Variants in ABCD3 observed in about 807,000 individuals in gnomAD.
The protein encoded by ABCD3 is ATP-binding cassette sub-family D member 3.
ABCD3 carries 41 observed loss-of-function variants against 105.5 expected under a neutral mutation model. The ratio of observed to expected loss-of-function variants is 0.39; its 90% CI spans 0.30 to 0.50. The LOEUF is 0.50. ABCD3 is among the 20% of genes least tolerant of loss of function. The probability of loss-of-function intolerance (pLI) is 0.84; values close to 1 mark genes in which losing one functional copy is unlikely to be tolerated. For missense variants in ABCD3, 622 were observed against 806.3 expected, an observed-to-expected ratio of 0.77 and a Z score of 2.77; for synonymous variants, 258 against 269.0, an observed-to-expected ratio of 0.96 and a Z score of 0.40.
In ABCD3 at chr1:94,473,754, G is replaced by A; in HGVS notation, c.336-12G>A. The stretch of plus-strand genomic sequence containing the variant: ...CTTTTGCAACTAATGCATTGCATGT[G>A]GTGGTTTGCAGTGGTATCATTGGTC... On this transcript the variant is annotated splice_polypyrimidine_tract_variant and intron_variant, in intron 4 of 22. Coordinates refer to ENST00000370214, the MANE Select transcript of ABCD3 (RefSeq NM_002858.4). 6.2e-7 allele frequency: 1 copy of A among 1,608,838 alleles called. No homozygotes were observed. The highest frequency in any genetic ancestry group is 8.5e-7 in the Non-Finnish European group (1 of 1,175,836).
chr1:94,512,582 T>A (rs948067890), intron 21 of ABCD3, among the ~76,000 whole-genome samples: 44 of 152,074 alleles, frequency 2.9e-4, no homozygotes, highest in African/African-American at 9.4e-4. Flanking sequence ...AGAGTTTTTT[T>A]ATGAATAAAA....
chr1:94,493,875 A>G (rs966060163), intron 16 of ABCD3, among the ~76,000 whole-genome samples: 2 of 152,046 alleles, frequency 1.3e-5, no homozygotes, highest in African/African-American at 4.8e-5. Flanking sequence ...ATTCTCACTC[A>G]TAGGTGGGAA....
At chr1:94,512,823 T>G (rs1037705453) in intron 21 of ABCD3, among the ~76,000 whole-genome samples, 1 of 152,098 alleles carries the variant, frequency 6.6e-6, no homozygotes, top group Non-Finnish European at 1.5e-5. Context: ...GTTTTATAGT[T>G]TCTATATAAG....
the ABCD3 span, among the ~76,000 whole-genome samples, chr1:94,386,272 G>T: frequency 6.6e-6 from 1 of 152,178 alleles, no homozygotes; most frequent in South Asian, 2.1e-4. Context: ...TGAGCAACAG[G>T]CTTCTTGGAA....
chr1:94,447,476 A>G (rs942559065), intron 1 of ABCD3, among the ~76,000 whole-genome samples: 2 of 152,336 alleles, frequency 1.3e-5, no homozygotes, highest in Non-Finnish European at 2.9e-5. Context: ...AATGGTTTGC[A>G]TTTACAATTC....
At chr1:94,395,074 G>A in the ABCD3 span, among the ~76,000 whole-genome samples, 4 of 152,232 alleles carry the variant, frequency 2.6e-5, no homozygotes, top group African/African-American at 9.6e-5. Flanking sequence ...TGTGCTTACT[G>A]TTACCTTAGC....
At chr1:94,450,840 A>C (rs1441738460) in intron 1 of ABCD3, among the ~76,000 whole-genome samples, 1 of 152,166 alleles carries the variant, frequency 6.6e-6, no homozygotes, top group Non-Finnish European at 1.5e-5. Flanking sequence ...TTCTTTTACA[A>C]GTTACCCTAG....
At chr1:94,487,434 AGTAAATATTT>A in intron 10 of ABCD3, 98 bp from the exon 11 acceptor site, 2 of 959,764 alleles carry the variant, frequency 2.1e-6, no homozygotes, top group Non-Finnish European at 3.2e-6. Context: ...ACGGGCACTC[AGTAAATATTT>A]GTTGAATAAA....
At chr1:94,475,086 T>G in intron 5 of ABCD3, 57 bp from the exon 6 acceptor site, 1 of 1,069,236 alleles carries the variant, frequency 9.4e-7, no homozygotes, top group Non-Finnish European at 1.4e-6. Context: ...AAATAAATTA[T>G]AGTTTAGTAA....
chr1:94,437,539 G>T (rs1190665651), intron 1 of ABCD3, among the ~76,000 whole-genome samples: 1 of 152,146 alleles, frequency 6.6e-6, no homozygotes, highest in East Asian at 1.9e-4. Context: ...CTTTCAAAAT[G>T]TTACTGCTCA....
chr1:94,395,159 T>G, the ABCD3 span, among the ~76,000 whole-genome samples: 2 of 152,186 alleles, frequency 1.3e-5, no homozygotes, highest in African/African-American at 4.8e-5. Context: ...ATAATGCTTC[T>G]CTCAATACTC....
At chr1:94,462,244 T>C (rs2100969610) in intron 2 of ABCD3, among the ~76,000 whole-genome samples, 1 of 152,318 alleles carries the variant, frequency 6.6e-6, no homozygotes, top group Non-Finnish European at 1.5e-5. Context: ...AAAGTGGTCT[T>C]TTTTTGTATT....
chr1:94,409,393 TA>T, the ABCD3 span, among the ~76,000 whole-genome samples: 2 of 152,228 alleles, frequency 1.3e-5, no homozygotes, highest in African/African-American at 2.4e-5. Flanking sequence ...AAATTCATCT[TA>T]TTTTTTTAAC....
At chr1:94,441,118 T>G (rs1557663917) in intron 1 of ABCD3, among the ~76,000 whole-genome samples, 1 of 152,112 alleles carries the variant, frequency 6.6e-6, no homozygotes, top group African/African-American at 2.4e-5. Flanking sequence ...TATTGATACA[T>G]TTGACTATAT....
At chr1:94,418,895 T>C (rs61772843) in intron 1 of ABCD3, 329,256 of 470,788 alleles carry the variant, frequency 0.7, 120,107 homozygotes, top group Non-Finnish European at 0.78. Flanking sequence ...GGGAGGGGGA[T>C]GCGGTGTGTC....
intron 1 of ABCD3, among the ~76,000 whole-genome samples, chr1:94,453,352 G>A (rs1434158933): frequency 4.8e-5 from 7 of 145,250 alleles, no homozygotes; most frequent in African/African-American, 1.0e-4. Context: ...ATGGAGTCTC[G>A]CTGTCGCCCA....
the ABCD3 span, among the ~76,000 whole-genome samples, chr1:94,387,871 T>C: frequency 3.4e-4 from 52 of 152,284 alleles, no homozygotes; most frequent in African/African-American, 1.2e-3. Context: ...TTTTAAAGAA[T>C]CTGATTCCTT....
intron 1 of ABCD3, among the ~76,000 whole-genome samples, chr1:94,429,533 G>A (rs1570735297): frequency 6.6e-6 from 1 of 152,314 alleles, no homozygotes; most frequent in African/African-American, 2.4e-5. Flanking sequence ...GCAGTCTAGG[G>A]ACTTGGTGCC....
At position 94,450,404 on chromosome 1, in the gene ABCD3, G is replaced by A. The variant is rs375516895; in HGVS notation, c.111-8203G>A. 4.3e-4 allele frequency among the ~76,000 whole-genome samples: 65 copies of A among 152,320 alleles called. No individual in the cohort carries two copies. The East Asian group carries it at 0.011, about 26-fold the overall frequency. On this transcript the variant is annotated intron_variant, in intron 1 of 22. Coordinates refer to ENST00000370214, the MANE Select transcript of ABCD3 (RefSeq NM_002858.4). ...GTGACATGTTCCTGATGGCCATGAT[G>A]CCCATGCTGAAGGTTGTGGGTTTAC...
Sources: allele counts gnomAD v4.1 joint callset (sites outside exome capture counted in the v4.1 genomes callset), GRCh38; gene constraint gnomAD v4.1.1; transcripts MANE v1.5; gene names NCBI Gene and HGNC (gene_info 2026-07-23, HGNC 2026-07-21).